Variants in DCTN5 observed in about 807,000 individuals in gnomAD.
DCTN5 encodes the protein dynactin subunit 5, also known as dynactin 4.
Under a neutral mutation model 23.5 loss-of-function variants are expected in DCTN5, and 14 were observed. The ratio of observed to expected loss-of-function variants is 0.60; its 90% CI spans 0.39 to 0.93. DCTN5 has a LOEUF of 0.93. Ranked by LOEUF, DCTN5 falls within the 40% of genes least tolerant of loss-of-function variation. DCTN5 has a pLI of 0.00. For missense variants in DCTN5, 156 were observed against 225.9 expected, an observed-to-expected ratio of 0.69 and a Z score of 1.98; for synonymous variants, 67 against 79.6, an observed-to-expected ratio of 0.84 and a Z score of 0.84.
intron 5 of DCTN5, 32 bp from the exon 6 acceptor site, chr16:23,667,015 A>G (rs1345415127): frequency 9.3e-6 from 15 of 1,612,856 alleles, no homozygotes; most frequent in East Asian, 4.5e-5. Flanking sequence ...AACTTCTTCA[A>G]GCTCCTTAGA....
In DCTN5 at chr16:23,646,596, G is replaced by A. The variant is rs561580815; in HGVS notation, c.117+3573G>A. 1.3e-3 allele frequency among the ~76,000 whole-genome samples: 194 copies of A among 151,594 alleles called. 1 individual carries two copies. Among genetic ancestry groups the A allele is most frequent in the Non-Finnish European group, 2.0e-3 (139 of 67,894 alleles). On this transcript the variant is annotated intron_variant, in intron 2 of 5. Coordinates refer to ENST00000300087, the MANE Select transcript of DCTN5 (RefSeq NM_032486.4). ...GTTAATTTTTTTTTTTGTTTTTTGA[G>A]ACGGAGTTTCCCTCTTGTCATCCAG...
chr16:23,648,843 T>C (rs959263639), intron 2 of DCTN5, among the ~76,000 whole-genome samples: 1 of 147,024 alleles, frequency 6.8e-6, no homozygotes, highest in Non-Finnish European at 1.5e-5. Flanking sequence ...TGCCCTTCCC[T>C]ATGATTAGTG....
chr16:23,662,268 G>T (rs115041957), intron 4 of DCTN5, among the ~76,000 whole-genome samples: 1 of 152,122 alleles, frequency 6.6e-6, no homozygotes, highest in African/African-American at 2.4e-5. Context: ...ATTCACATGC[G>T]TAAGGAAGGG....
chr16:23,645,082 A>ACTATAT lies in DCTN5; in HGVS notation c.117+2060_117+2065dup, dbSNP rs1491120181. Among the ~76,000 whole-genome samples, 5 of 60,346 alleles carry ACTATAT rather than the reference A, an allele frequency of 8.3e-5. No homozygotes were observed. The South Asian group carries it at 3.2e-3, about 39-fold the overall frequency. The allele number at this position is 60,346 out of a possible 152,430, so 39.6% of individuals were successfully genotyped here. On this transcript the variant is annotated intron_variant, in intron 2 of 5. Coordinates refer to ENST00000300087, the MANE Select transcript of DCTN5 (RefSeq NM_032486.4). ...AGTGTGAGCCACTGCACCCAGCCTA[A>ACTATAT]CTATATATATATATATATATATATA...
At chr16:23,666,763 C>T (rs1490042802) in intron 5 of DCTN5, 1 of 484,478 alleles carries the variant, frequency 2.1e-6, no homozygotes, top group Non-Finnish European at 3.7e-6. Flanking sequence ...AAAATCATCA[C>T]TCAGATTCTT....
At chr16:23,642,881 C>T in intron 1 of DCTN5, 74 bp from the exon 2 acceptor site, 1 of 1,339,588 alleles carries the variant, frequency 7.5e-7, no homozygotes, top group Non-Finnish European at 1.1e-6. Context: ...CAAATGGGAG[C>T]TTTCTTGATG....
chr16:23,670,123 A>C lies in DCTN5; in HGVS notation c.*2979A>C, dbSNP rs1967980175. 6.6e-6 allele frequency: 1 copy of C among 152,190 alleles called. No homozygotes were observed. The highest frequency in any genetic ancestry group is 1.5e-5 in the Non-Finnish European group (1 of 68,082). 9.4% of individuals were successfully genotyped at this position (152,190 alleles called of 1,614,324 possible). A position where few individuals can be genotyped will look rare whatever the true frequency, so the allele number is the denominator to read the frequency against. On this transcript the variant is annotated 3_prime_UTR_variant, in exon 6 of 6. Transcript: ENST00000300087. ...GTGACCACCCTCACCCCCAACCCTC[A>C]CACACCCTGCCAGCATGCCTCAGAC...
chr16:23,662,666 C>T (rs1967835779), intron 4 of DCTN5, among the ~76,000 whole-genome samples: 1 of 152,154 alleles, frequency 6.6e-6, no homozygotes, highest in South Asian at 2.1e-4. Flanking sequence ...TATGAGGGTA[C>T]AGCAAAGGTG....
intron 2 of DCTN5, among the ~76,000 whole-genome samples, chr16:23,649,541 T>G (rs1157467679): frequency 6.6e-6 from 1 of 152,142 alleles, no homozygotes; most frequent in African/African-American, 2.4e-5. Context: ...ATTTAGGTCT[T>G]TAATTCATTT....
At chr16:23,655,652 C>G (rs1293523870) in intron 2 of DCTN5, among the ~76,000 whole-genome samples, 3 of 151,878 alleles carry the variant, frequency 2.0e-5, no homozygotes, top group Non-Finnish European at 4.4e-5. Context: ...TCAGACAATC[C>G]CCCCACCGCA....
chr16:23,672,196 A>T lies in DCTN5; in HGVS notation c.*5052A>T, dbSNP rs1388774031. 1 of 152,220 alleles carries T rather than the reference A, an allele frequency of 6.6e-6. No homozygotes were observed. The highest frequency in any genetic ancestry group is 1.5e-5 in the Non-Finnish European group (1 of 68,048). 9.4% of individuals were successfully genotyped at this position (152,220 alleles called of 1,614,324 possible). A position where few individuals can be genotyped will look rare whatever the true frequency, so the allele number is the denominator to read the frequency against. On this transcript the variant is annotated 3_prime_UTR_variant, in exon 6 of 6. Transcript: ENST00000300087. ...GAGAGACTCTGAGCTTCCTGGGAAC[A>T]GGTATAGGTTCTTTTTATTTCAATA...
chr16:23,656,633 A>G (rs1967708530), intron 2 of DCTN5, among the ~76,000 whole-genome samples: 1 of 152,038 alleles, frequency 6.6e-6, no homozygotes, highest in African/African-American at 2.4e-5. Context: ...TAATCAGATT[A>G]ATTTACTTTT....
rs969362592 is a variant in DCTN5 at position 23,670,863 on chromosome 16, C to T, written c.*3719C>T. On this transcript the variant is annotated 3_prime_UTR_variant, in exon 6 of 6. Transcript: ENST00000300087. ...AGGGGTAAGAAGGTGGGCCCCTCAC[C>T]ATATGCTGCACAGAGAAGAGAGACA... 1.3e-5 allele frequency: 2 copies of T among 152,166 alleles called. No homozygotes were observed. The highest frequency in any genetic ancestry group is 2.9e-5 in the Non-Finnish European group (2 of 68,064). The allele number at this position is 152,166 out of a possible 1,614,324, so 9.4% of individuals were successfully genotyped here.
chr16:23,644,291 C>T (rs894531214), intron 2 of DCTN5, among the ~76,000 whole-genome samples: 5 of 145,266 alleles, frequency 3.4e-5, no homozygotes, highest in African/African-American at 1.3e-4. Context: ...TCATGCCCAC[C>T]TAATTTTTTT....
intron 2 of DCTN5, among the ~76,000 whole-genome samples, chr16:23,649,481 T>C (rs568357056): frequency 6.6e-6 from 1 of 152,316 alleles, no homozygotes; most frequent in African/African-American, 2.4e-5. Flanking sequence ...CCAGTGTCTT[T>C]AAGCATTTCC....
At position 23,664,630 on chromosome 16, in the gene DCTN5, A is replaced by G. The variant is rs567239379; in HGVS notation, c.349-996A>G. 4.9e-4 allele frequency among the ~76,000 whole-genome samples: 74 copies of G among 152,342 alleles called. 1 individual carries two copies. The highest frequency in any genetic ancestry group is 1.8e-3 in the African/African-American group (73 of 41,576). Reference sequence around the variant, plus strand: ...TCTAAGATACAGCTGTAAACTGTACACAGAAGCCCCATGAAACAGATGAGT... The same window carrying G: ...TCTAAGATACAGCTGTAAACTGTACGCAGAAGCCCCATGAAACAGATGAGT... On this transcript the variant is annotated intron_variant, in intron 4 of 5. Coordinates refer to ENST00000300087, the MANE Select transcript of DCTN5 (RefSeq NM_032486.4).
In DCTN5 at chr16:23,658,559, T is replaced by C. The variant is rs1347611445; in HGVS notation, c.170T>C (p.Val57Ala). ...CGAGGGGATCTGGCAAATGTAAGAG[T>C]TGGACGTCATTGTGTTGTGAAAAGT... Reference protein sequence around the residue: ...IIRGDLANVRVGRHCVVKSRS... With the variant: ...IIRGDLANVRAGRHCVVKSRS... Residue 57 changes from valine (V) to alanine (A), a missense_variant, in exon 3 of 6, where the codon GTT becomes GCT. Val to Ala is a moderately conservative substitution (Grantham distance 64). This residue lies in a region of DCTN5 where 153 missense variants were observed against 206.8 expected (regional missense o/e 0.74). Transcript: ENST00000300087. 2 of 1,614,202 alleles carry C rather than the reference T, an allele frequency of 1.2e-6. No individual in the cohort carries two copies. Among genetic ancestry groups the C allele is most frequent in the South Asian group, 2.2e-5 (2 of 91,086 alleles).
At chr16:23,650,690 T>C in intron 2 of DCTN5, 1 of 1,439,704 alleles carries the variant, frequency 6.9e-7, no homozygotes, top group Non-Finnish European at 9.4e-7. Context: ...TGGTGGAAAG[T>C]TACTTTGTTT....
At chr16:23,645,773 T>C (rs113566503) in intron 2 of DCTN5, among the ~76,000 whole-genome samples, 7 of 152,352 alleles carry the variant, frequency 4.6e-5, no homozygotes, top group African/African-American at 1.7e-4. Flanking sequence ...TGTATGTATA[T>C]GCCACATTTC....
Sources: gnomAD v4.1 joint callset for allele counts (sites outside exome capture counted in the v4.1 genomes callset) on GRCh38, gnomAD v4.1.1 for gene constraint, gnomAD v4.1.1 regional missense constraint, MANE v1.5 for transcripts, NCBI Gene and HGNC (gene_info 2026-07-23, HGNC 2026-07-21) for gene names.